The following GABRG3 variants were observed in gnomAD, a reference collection of about 807,000 sequenced individuals.
GABRG3 encodes the protein gamma-aminobutyric acid type A receptor subunit gamma3.
A neutral mutation model predicts 48.8 loss-of-function variants in GABRG3; 25 were observed. The ratio of observed to expected loss-of-function variants is 0.51; its 90% CI spans 0.37 to 0.72. The LOEUF (loss-of-function observed/expected upper bound fraction) is 0.72, where lower values mean the gene tolerates loss of function less well. GABRG3 is among the 30% of genes least tolerant of loss of function. The probability of loss-of-function intolerance (pLI) is 0.00; values close to 1 mark genes in which losing one functional copy is unlikely to be tolerated. For synonymous variants in GABRG3, 227 were observed against 217.6 expected (o/e 1.04, Z -0.38); for missense variants, 394 against 577.9 (o/e 0.68, Z 3.26).
At chr15:27,194,424 C>T (rs1226834608) in intron 3 of GABRG3, among the ~76,000 whole-genome samples, 2 of 152,142 alleles carry the variant, frequency 1.3e-5, no homozygotes, top group Non-Finnish European at 2.9e-5. Context: ...AGAGAACTTC[C>T]TTTAGCAACT....
Position 27,536,953 on chromosome 15 carries a change from A to G in GABRG3, c.*4072A>G, listed in dbSNP as rs1891559910. Reference sequence around the variant, plus strand: ...GAAATTTTCTGTGATTTCCTTTGAGACTTGAAGAATTACACCTGGTCTCCA... The same window carrying G: ...GAAATTTTCTGTGATTTCCTTTGAGGCTTGAAGAATTACACCTGGTCTCCA... On this transcript the variant is annotated 3_prime_UTR_variant, in exon 10 of 10. Transcript: ENST00000615808. The G allele has an allele frequency of 6.6e-6, 1 of 152,102 alleles. No homozygotes were observed. The highest frequency in any genetic ancestry group is 2.1e-4 in the South Asian group (1 of 4,824). The allele number at this position is 152,102 out of a possible 1,614,324, so 9.4% of individuals were successfully genotyped here.
At chr15:27,308,852 G>T (rs931913839) in intron 3 of GABRG3, among the ~76,000 whole-genome samples, 1 of 149,774 alleles carries the variant, frequency 6.7e-6, no homozygotes, top group Non-Finnish European at 1.5e-5. Context: ...AACACAGAAT[G>T]TAAACATATA....
rs538190048 is a variant in GABRG3, at chr15:27,214,476, GACTTA to G, written c.271-112328_271-112324del. On this transcript the variant is annotated intron_variant, in intron 3 of 9. Transcript: ENST00000615808. ...GTAGGCATTTAGGGCGATAGCCTCT[GACTTA>G]ACTTTTCAGTTTTGGGTAAGCTACG... is the stretch of plus-strand genomic sequence containing the variant. 2.0e-5 allele frequency among the ~76,000 whole-genome samples: 3 copies of G among 152,254 alleles called. No individual in the cohort carries two copies. In the South Asian group the frequency reaches 6.2e-4, roughly 32 times the overall value.
At chr15:27,222,644 A>G (rs1007214237) in intron 3 of GABRG3, among the ~76,000 whole-genome samples, 6 of 152,214 alleles carry the variant, frequency 3.9e-5, no homozygotes, top group African/African-American at 1.2e-4. Context: ...CACAACCCCA[A>G]GAGAGGAGCT....
At chr15:27,309,061 TATA>T (rs1471536904) in intron 3 of GABRG3, among the ~76,000 whole-genome samples, 1 of 150,642 alleles carries the variant, frequency 6.6e-6, no homozygotes, top group Non-Finnish European at 1.5e-5. Flanking sequence ...TAGAAACACA[TATA>T]ATGTAAACAT....
chr15:27,238,683 A>T (rs1890048087), intron 3 of GABRG3, among the ~76,000 whole-genome samples: 1 of 152,216 alleles, frequency 6.6e-6, no homozygotes, highest in South Asian at 2.1e-4. Flanking sequence ...TTAATTCTGC[A>T]TATATTCCCG....
intron 3 of GABRG3, among the ~76,000 whole-genome samples, chr15:27,215,885 G>A (rs1449447203): frequency 6.6e-6 from 1 of 152,192 alleles, no homozygotes; most frequent in Non-Finnish European, 1.5e-5. Context: ...GAATATGTGC[G>A]TGTTGTTACC....
At position 27,179,830 on chromosome 15, in the gene GABRG3, C is replaced by T. The variant is rs1424497139; in HGVS notation, c.271-146979C>T. Reference sequence around the variant, plus strand: ...ATAATGATTAAAGGGAGGAGAGCTGCGTAGAAGAGAGACAGTGGGGTCCTC... The same window carrying T: ...ATAATGATTAAAGGGAGGAGAGCTGTGTAGAAGAGAGACAGTGGGGTCCTC... On this transcript the variant is annotated intron_variant, in intron 3 of 9. Transcript: ENST00000615808. The surrounding 1 kb of genome is among the most constrained non-coding windows in gnomAD (Gnocchi z 4.0). Among the ~76,000 whole-genome samples the T allele has an allele frequency of 3.9e-5, 6 of 152,150 alleles. No homozygotes were observed. The highest frequency in any genetic ancestry group is 9.7e-5 in the African/African-American group (4 of 41,426).
chr15:27,145,603 C>CTATATCTATCTA (rs1555405976), intron 3 of GABRG3, among the ~76,000 whole-genome samples: 2 of 102,298 alleles, frequency 2.0e-5, no homozygotes, highest in South Asian at 6.3e-4. Flanking sequence ...ATATATCTAT[C>CTATATCTATCTA]TCTATCTATC....
intron 6 of GABRG3, among the ~76,000 whole-genome samples, chr15:27,508,987 G>A (rs1003606330): frequency 2.6e-4 from 40 of 152,000 alleles, no homozygotes; most frequent in African/African-American, 9.4e-4. Flanking sequence ...CTAAAGTGCT[G>A]GGATTATAGG....
At chr15:27,036,036 T>G (rs1434076096) in intron 3 of GABRG3, among the ~76,000 whole-genome samples, 1 of 152,224 alleles carries the variant, frequency 6.6e-6, no homozygotes, top group Non-Finnish European at 1.5e-5. Flanking sequence ...GCACCTGCTA[T>G]GTGCAAGATG....
At chr15:27,068,894 T>C (rs1595504715) in intron 3 of GABRG3, among the ~76,000 whole-genome samples, 1 of 152,318 alleles carries the variant, frequency 6.6e-6, no homozygotes, top group East Asian at 1.9e-4. Context: ...TCCCTGAACC[T>C]TCTGAGAGAG....
At chr15:27,518,616 T>G (rs1346307199) in intron 6 of GABRG3, among the ~76,000 whole-genome samples, 1 of 152,162 alleles carries the variant, frequency 6.6e-6, no homozygotes. Flanking sequence ...ATAGGAACTA[T>G]CTAGATGCTG....
chr15:27,342,804 C>G (rs1474255851), intron 5 of GABRG3, among the ~76,000 whole-genome samples: 3 of 152,188 alleles, frequency 2.0e-5, no homozygotes, highest in African/African-American at 7.2e-5. Context: ...TTCCGTTCTA[C>G]CTGGACCAGG....
chr15:27,497,765 A>G (rs1297644184), intron 6 of GABRG3, among the ~76,000 whole-genome samples: 1 of 152,004 alleles, frequency 6.6e-6, no homozygotes, highest in African/African-American at 2.4e-5. Context: ...TTTAGATTGG[A>G]TTGCCTTTCT....
chr15:27,144,384 T>C (rs1439137888), intron 3 of GABRG3, among the ~76,000 whole-genome samples: 5 of 152,178 alleles, frequency 3.3e-5, no homozygotes, highest in Non-Finnish European at 4.4e-5. Context: ...TCTTAGAGTA[T>C]TGTCATTATT....
chr15:27,391,276 A>G (rs1887121702), intron 5 of GABRG3, among the ~76,000 whole-genome samples: 1 of 152,188 alleles, frequency 6.6e-6, no homozygotes, highest in Admixed American at 6.5e-5. Context: ...ATGAGTTTAC[A>G]TAAATGGCAT....
intron 5 of GABRG3, among the ~76,000 whole-genome samples, chr15:27,396,082 C>T (rs1202451213): frequency 2.0e-5 from 3 of 152,102 alleles, no homozygotes; most frequent in Non-Finnish European, 4.4e-5. Flanking sequence ...AGGCTGGTCT[C>T]GAACCCCTGG....
chr15:27,446,979 C>A (rs1162492019), intron 5 of GABRG3, among the ~76,000 whole-genome samples: 2 of 152,196 alleles, frequency 1.3e-5, no homozygotes, highest in Non-Finnish European at 2.9e-5. Flanking sequence ...GCTTTCCCAC[C>A]CTCTCTGATG....
Sources: allele counts gnomAD v4.1 joint callset (sites outside exome capture counted in the v4.1 genomes callset), GRCh38; gene constraint gnomAD v4.1.1; non-coding constraint Gnocchi (gnomAD v3.1); transcripts MANE v1.5; gene names NCBI Gene and HGNC (gene_info 2026-07-23, HGNC 2026-07-21).